The following EPB41L4A variants were observed in gnomAD, a reference collection of about 807,000 sequenced individuals.
The protein encoded by EPB41L4A is erythrocyte membrane protein band 4.1 like 4A.
Under a neutral mutation model 108.6 loss-of-function variants are expected in EPB41L4A, and 100 were observed. The observed-to-expected ratio is 0.92, with a 90% CI of 0.78 to 1.09. EPB41L4A has a LOEUF of 1.09. EPB41L4A is among the 50% of genes least tolerant of loss of function. The pLI is 0.00. For synonymous variants in EPB41L4A, 319 were observed against 289.0 expected, an observed-to-expected ratio of 1.10 and a Z score of -1.05; for missense variants, 1,030 against 842.7, an observed-to-expected ratio of 1.22 and a Z score of -2.75.
chr5:112,275,511 A>C (rs1935462808), intron 3 of EPB41L4A, 107 bp from the exon 4 acceptor site: 1 of 1,272,424 alleles, frequency 7.9e-7, no homozygotes, highest in Non-Finnish European at 1.0e-6. Flanking sequence ...TTGTCTAAAG[A>C]AACAAGAAAA....
At chr5:112,320,627 G>C (rs1383856796) in intron 1 of EPB41L4A, among the ~76,000 whole-genome samples, 1 of 152,202 alleles carries the variant, frequency 6.6e-6, no homozygotes, top group Non-Finnish European at 1.5e-5. Flanking sequence ...TGGAGATAGA[G>C]AGGTTGAAGG....
Position 112,409,273 on chromosome 5 carries a change from G to A in EPB41L4A, c.99+9668C>T, listed in dbSNP as rs144972480. Reference sequence around the variant, plus strand: ...TGAATCCTTTTATATGAAATGTCCCGAATACACAAAACTATAGAGACAGAA... The same window carrying A: ...TGAATCCTTTTATATGAAATGTCCCAAATACACAAAACTATAGAGACAGAA... On this transcript the variant is annotated intron_variant, in intron 1 of 22. Coordinates refer to ENST00000261486, the MANE Select transcript of EPB41L4A (RefSeq NM_022140.5). 3.9e-5 allele frequency among the ~76,000 whole-genome samples: 6 copies of A among 152,236 alleles called. No homozygotes were observed. The East Asian group carries it at 5.8e-4, about 15-fold the overall frequency.
intron 1 of EPB41L4A, among the ~76,000 whole-genome samples, chr5:112,348,712 A>G (rs1421220051): frequency 3.3e-5 from 5 of 152,210 alleles, no homozygotes; most frequent in South Asian, 2.1e-4. Flanking sequence ...AAACTCCCAA[A>G]TATCTGTTAG....
At chr5:112,187,479 T>A (rs1044826048) in intron 17 of EPB41L4A, among the ~76,000 whole-genome samples, 3 of 152,218 alleles carry the variant, frequency 2.0e-5, no homozygotes, top group Non-Finnish European at 2.9e-5. Flanking sequence ...ACTTCAACAC[T>A]CTACTTTTCC....
Position 112,322,013 on chromosome 5 carries a change from A to C in EPB41L4A, c.100-14523T>G, listed in dbSNP as rs544336921. 1.1e-4 allele frequency among the ~76,000 whole-genome samples: 17 copies of C among 152,360 alleles called. No homozygotes were observed. In the South Asian group the frequency reaches 3.5e-3, roughly 32 times the overall value. On this transcript the variant is annotated intron_variant, in intron 1 of 22. Coordinates refer to ENST00000261486, the MANE Select transcript of EPB41L4A (RefSeq NM_022140.5). ...GTCATAGTTCAACATTACATAAGTC[A>C]TAATCAGATAAAATAATAAAACCAG...
upstream of EPB41L4A, chr5:112,419,676 C>T (rs774598024): frequency 1.8e-5 from 8 of 456,486 alleles, no homozygotes; most frequent in Admixed American, 1.2e-4. Context: ...AGGCGAAGGT[C>T]GTCGCTCCGT....
intron 1 of EPB41L4A, among the ~76,000 whole-genome samples, chr5:112,399,183 C>A (rs1174193909): frequency 6.6e-6 from 1 of 151,986 alleles, no homozygotes; most frequent in African/African-American, 2.4e-5. Context: ...CCTCCTTATA[C>A]CCCAGCCACA....
At chr5:112,307,168 C>T (rs918135682) in intron 2 of EPB41L4A, among the ~76,000 whole-genome samples, 3 of 152,112 alleles carry the variant, frequency 2.0e-5, no homozygotes, top group African/African-American at 2.4e-5. Context: ...TCTGCAAAGA[C>T]GACTACACAT....
At position 112,234,832 on chromosome 5, in the gene EPB41L4A, T is replaced by C. The variant is rs531847035; in HGVS notation, c.966-77A>G. ...ATTAAACAACAGGTCATTCAGAACA[T>C]CTGCCAAATATGGAGAGAAGAAAAA... is the stretch of plus-strand genomic sequence containing the variant. On this transcript the variant is annotated intron_variant, in intron 11 of 22. Coordinates refer to ENST00000261486, the MANE Select transcript of EPB41L4A (RefSeq NM_022140.5). 5 of 1,478,898 alleles carry C rather than the reference T, an allele frequency of 3.4e-6. No homozygotes were observed. In the African/African-American group the frequency reaches 4.2e-5, roughly 12 times the overall value. 91.6% of individuals were successfully genotyped at this position (1,478,898 alleles called of 1,614,324 possible). A position where few individuals can be genotyped will look rare whatever the true frequency, so the allele number is the denominator to read the frequency against.
intron 12 of EPB41L4A, among the ~76,000 whole-genome samples, chr5:112,220,690 A>G (rs1747982346): frequency 1.3e-5 from 2 of 152,206 alleles, no homozygotes; most frequent in African/African-American, 4.8e-5. Context: ...GCATTTGAGA[A>G]AACAGCAGAA....
intron 1 of EPB41L4A, among the ~76,000 whole-genome samples, chr5:112,380,336 T>C (rs1375893116): frequency 6.6e-6 from 1 of 152,230 alleles, no homozygotes; most frequent in Non-Finnish European, 1.5e-5. Flanking sequence ...AAAACTATTT[T>C]ATTAAAATGT....
chr5:112,354,031 G>T (rs1758217837), intron 1 of EPB41L4A, among the ~76,000 whole-genome samples: 1 of 152,178 alleles, frequency 6.6e-6, no homozygotes, highest in Non-Finnish European at 1.5e-5. Context: ...TAAAGAGCAT[G>T]GACTCTGAAA....
intron 1 of EPB41L4A, among the ~76,000 whole-genome samples, chr5:112,338,359 C>A (rs1757056306): frequency 1.3e-5 from 2 of 152,120 alleles, no homozygotes; most frequent in African/African-American, 4.8e-5. Context: ...TGGTGACCCC[C>A]CTACCAACTC....
Position 112,371,621 on chromosome 5 carries a change from C to A in EPB41L4A, c.99+47320G>T, listed in dbSNP as rs550231699. On this transcript the variant is annotated intron_variant, in intron 1 of 22. Transcript: ENST00000261486. ...GAATGTCCAAGGACAAACAGTTTGA[C>A]TTGTCCAAAGTGGCAAGACTGTCTG... 7.9e-5 allele frequency among the ~76,000 whole-genome samples: 12 copies of A among 152,258 alleles called. 1 individual carries two copies. In the South Asian group the frequency reaches 2.5e-3, roughly 32 times the overall value.
intron 1 of EPB41L4A, among the ~76,000 whole-genome samples, chr5:112,383,881 T>G (rs1760326325): frequency 6.6e-6 from 1 of 152,188 alleles, no homozygotes; most frequent in South Asian, 2.1e-4. Flanking sequence ...CATTTGTATA[T>G]CTCAAGATAA....
intron 4 of EPB41L4A, among the ~76,000 whole-genome samples, chr5:112,269,431 A>G (rs1479154858): frequency 6.6e-6 from 1 of 152,136 alleles, no homozygotes; most frequent in Non-Finnish European, 1.5e-5. Context: ...TAAAGTAACT[A>G]TATATTGCTT....
intron 1 of EPB41L4A, among the ~76,000 whole-genome samples, chr5:112,328,296 G>A (rs983943567): frequency 6.6e-6 from 1 of 151,930 alleles, no homozygotes; most frequent in Admixed American, 6.6e-5. Flanking sequence ...GTGACACGGC[G>A]AGACTCCGAC....
chr5:112,407,374 T>C (rs1447477933), intron 1 of EPB41L4A, among the ~76,000 whole-genome samples: 3 of 152,202 alleles, frequency 2.0e-5, no homozygotes, highest in African/African-American at 7.2e-5. Context: ...AAGCCACAGC[T>C]GCTCCAAATG....
chr5:112,380,939 C>A (rs979784907), intron 1 of EPB41L4A, among the ~76,000 whole-genome samples: 1 of 152,092 alleles, frequency 6.6e-6, no homozygotes, highest in African/African-American at 2.4e-5. Context: ...TGGTTGCAGG[C>A]CAGTATATGT....
Sources: gnomAD v4.1 joint callset for allele counts (sites outside exome capture counted in the v4.1 genomes callset) on GRCh38, gnomAD v4.1.1 for gene constraint, MANE v1.5 for transcripts, NCBI Gene and HGNC (gene_info 2026-07-23, HGNC 2026-07-21) for gene names.